NR2F1-AS1: variants seen among roughly 807,000 people sequenced by gnomAD.
NR2F1-AS1 encodes NR2F1 antisense RNA 1.
intron 4 of NR2F1-AS1, among the ~76,000 whole-genome samples, chr5:93,490,574 GTGGTGGTGGTGGTGA>G (rs1448929233): frequency 6.6e-6 from 1 of 150,700 alleles, no homozygotes; most frequent in African/African-American, 2.4e-5. Flanking sequence ...GATGGGAGTG[GTGGTGGTGGTGGTGA>G]TGGTGGTGGT....
At chr5:93,497,353 G>T (rs1388420144) in intron 4 of NR2F1-AS1, among the ~76,000 whole-genome samples, 1 of 152,172 alleles carries the variant, frequency 6.6e-6, no homozygotes, top group Non-Finnish European at 1.5e-5. Context: ...CCACAGCTGT[G>T]ATTAAAACTC....
At chr5:93,425,640 C>T (rs1749180153) in intron 4 of NR2F1-AS1, among the ~76,000 whole-genome samples, 2 of 152,206 alleles carry the variant, frequency 1.3e-5, no homozygotes, top group African/African-American at 4.8e-5. Context: ...AACGAACTCT[C>T]AACTTCCTCC....
At chr5:93,441,073 T>TA (rs1319803844) in intron 4 of NR2F1-AS1, among the ~76,000 whole-genome samples, 1 of 152,230 alleles carries the variant, frequency 6.6e-6, no homozygotes, top group Non-Finnish European at 1.5e-5. Flanking sequence ...TTGAAAACTT[T>TA]AGAGATAACA....
At chr5:93,439,864 TC>T (rs1265070864) in intron 4 of NR2F1-AS1, among the ~76,000 whole-genome samples, 1 of 152,214 alleles carries the variant, frequency 6.6e-6, no homozygotes, top group Non-Finnish European at 1.5e-5. Flanking sequence ...TAATACTTGC[TC>T]ATCATGTTTC....
intron 4 of NR2F1-AS1, among the ~76,000 whole-genome samples, chr5:93,447,673 T>A (rs1322005183): frequency 2.6e-5 from 4 of 152,284 alleles, no homozygotes; most frequent in Middle Eastern, 3.4e-3. Context: ...TACAACTAGA[T>A]ATACCATTTG....
chr5:93,465,979 C>A (rs983026853), intron 4 of NR2F1-AS1, among the ~76,000 whole-genome samples: 9 of 151,652 alleles, frequency 5.9e-5, no homozygotes, highest in African/African-American at 2.2e-4. Flanking sequence ...ATGTAAATGA[C>A]GAGTTGATGG....
At chr5:93,450,341 AGTT>A (rs1286556743) in intron 4 of NR2F1-AS1, among the ~76,000 whole-genome samples, 6 of 152,176 alleles carry the variant, frequency 3.9e-5, no homozygotes, top group African/African-American at 9.6e-5. Flanking sequence ...ATAAGAGTTT[AGTT>A]GTTGTCCAAA....
chr5:93,447,259 A>T (rs1749732983), intron 4 of NR2F1-AS1, among the ~76,000 whole-genome samples: 1 of 152,236 alleles, frequency 6.6e-6, no homozygotes, highest in Admixed American at 6.5e-5. Context: ...CATCAGAGTG[A>T]ACAGGCAACC....
At chr5:93,486,923 G>A (rs1005060172) in intron 4 of NR2F1-AS1, among the ~76,000 whole-genome samples, 2 of 152,166 alleles carry the variant, frequency 1.3e-5, no homozygotes, top group African/African-American at 4.8e-5. Flanking sequence ...TCATCCCTGG[G>A]ATGCAAGGCT....
At chr5:93,508,825 T>A (rs1396436403) in intron 4 of NR2F1-AS1, among the ~76,000 whole-genome samples, 1 of 151,644 alleles carries the variant, frequency 6.6e-6, no homozygotes, top group Non-Finnish European at 1.5e-5. Context: ...GAAATGCAAA[T>A]GAAAATAAAA....
chr5:93,433,999 TCCATATGCTCTTTTTTTC>T (rs1286183689), intron 4 of NR2F1-AS1, among the ~76,000 whole-genome samples: 1 of 152,196 alleles, frequency 6.6e-6, no homozygotes, highest in South Asian at 2.1e-4. Context: ...TTATTTTTTT[TCCATATGCTCTTTTTTTC>T]CCATATGCTC....
intron 4 of NR2F1-AS1, among the ~76,000 whole-genome samples, chr5:93,504,206 G>A (rs1287766873): frequency 2.0e-5 from 3 of 152,092 alleles, no homozygotes; most frequent in East Asian, 1.9e-4. Context: ...ATAAATTGCA[G>A]ATCATTGTTG....
intron 4 of NR2F1-AS1, among the ~76,000 whole-genome samples, chr5:93,540,479 G>A (rs1404291686): frequency 6.6e-6 from 1 of 152,102 alleles, no homozygotes; most frequent in African/African-American, 2.4e-5. Flanking sequence ...ATAGGCTCAA[G>A]GGGCTATTCT....
At chr5:93,575,019 G>A (rs1752865317) in intron 1 of NR2F1-AS1, among the ~76,000 whole-genome samples, 1 of 152,244 alleles carries the variant, frequency 6.6e-6, no homozygotes, top group Non-Finnish European at 1.5e-5. Flanking sequence ...TGCAGCCTGG[G>A]GGGGTGTCCC....
intron 4 of NR2F1-AS1, among the ~76,000 whole-genome samples, chr5:93,530,318 G>A (rs531037776): frequency 6.8e-4 from 103 of 152,188 alleles, no homozygotes; most frequent in African/African-American, 2.4e-3. Context: ...TCCTGACCTC[G>A]TGATCCGCCT....
chr5:93,481,606 ATTC>A (rs1750601604), intron 4 of NR2F1-AS1, among the ~76,000 whole-genome samples: 1 of 152,142 alleles, frequency 6.6e-6, no homozygotes, highest in Non-Finnish European at 1.5e-5. Flanking sequence ...AAGAATATGT[ATTC>A]TTCTCAAGTT....
chr5:93,541,463 C>T (rs1383884413), intron 4 of NR2F1-AS1, among the ~76,000 whole-genome samples: 2 of 152,122 alleles, frequency 1.3e-5, no homozygotes, highest in African/African-American at 2.4e-5. Flanking sequence ...AGTGGCTATG[C>T]CTCCTCCCTA....
chr5:93,507,610 G>A (rs192008240), intron 4 of NR2F1-AS1, among the ~76,000 whole-genome samples: 85 of 152,078 alleles, frequency 5.6e-4, no homozygotes, highest in Admixed American at 3.4e-3. Flanking sequence ...AGCCTGCCTC[G>A]GCCTTCCAAA....
At chr5:93,415,875 C>T (rs183373106) in intron 4 of NR2F1-AS1, among the ~76,000 whole-genome samples, 29 of 152,236 alleles carry the variant, frequency 1.9e-4, no homozygotes, top group Admixed American at 9.8e-4. Context: ...TTTGCTTCTA[C>T]AAAAATAGCA....
Sources: gnomAD v4.1 joint callset for allele counts (sites outside exome capture counted in the v4.1 genomes callset) on GRCh38, gnomAD v4.1.1 for gene constraint, MANE v1.5 for transcripts, NCBI Gene and HGNC (gene_info 2026-07-23, HGNC 2026-07-21) for gene names.